THADA: variants seen among roughly 807,000 people sequenced by gnomAD.
THADA encodes the protein THADA armadillo repeat containing, also known as tRNA (32-2'-O)-methyltransferase regulator THADA.
THADA carries 213 observed loss-of-function variants against 219.8 expected under a neutral mutation model. The ratio of observed to expected loss-of-function variants is 0.97; its 90% CI spans 0.87 to 1.09. The LOEUF is 1.09. Ranked by LOEUF, THADA falls within the 50% of genes least tolerant of loss-of-function variation. The probability of loss-of-function intolerance (pLI) is 0.00; values close to 1 mark genes in which losing one functional copy is unlikely to be tolerated. For missense variants in THADA, 2,956 were observed against 2,311.3 expected (o/e 1.28, Z -5.72); for synonymous variants, 1,018 against 828.9 (o/e 1.23, Z -3.92).
intron 30 of THADA, among the ~76,000 whole-genome samples, chr2:43,332,761 AG>A (rs1217194964): frequency 1.3e-5 from 2 of 152,230 alleles, no homozygotes; most frequent in Non-Finnish European, 2.9e-5. Flanking sequence ...GTAAGCCAAC[AG>A]CTACAAGTGG....
intron 26 of THADA, among the ~76,000 whole-genome samples, chr2:43,459,119 A>G (rs1362104356): frequency 6.6e-6 from 1 of 152,140 alleles, no homozygotes; most frequent in Non-Finnish European, 1.5e-5. Flanking sequence ...ATCCTGTTAT[A>G]CCTGTGTTTA....
chr2:43,284,594 A>T (rs1438889568), intron 35 of THADA, among the ~76,000 whole-genome samples: 1 of 152,188 alleles, frequency 6.6e-6, no homozygotes, highest in Non-Finnish European at 1.5e-5. Context: ...GCCCTCATGG[A>T]GAACCTCTAT....
At chr2:43,278,062 T>G (rs746254459) in intron 36 of THADA, among the ~76,000 whole-genome samples, 47 of 151,886 alleles carry the variant, frequency 3.1e-4, no homozygotes, top group Non-Finnish European at 6.2e-4. Context: ...GAGATTCTTC[T>G]GCCTCAGCCT....
At chr2:43,444,729 G>T (rs181489125) in intron 26 of THADA, among the ~76,000 whole-genome samples, 2 of 151,664 alleles carry the variant, frequency 1.3e-5, no homozygotes, top group East Asian at 3.9e-4. Flanking sequence ...TGAAAAAAAG[G>T]TGGGGGGGGA....
chr2:43,297,381 G>T (rs1483546010), intron 31 of THADA, among the ~76,000 whole-genome samples: 9 of 87,634 alleles, frequency 1.0e-4, no homozygotes, highest in South Asian at 4.4e-4. Context: ...CTCTCTGCCC[G>T]GCAGCCACCC....
chr2:43,256,590 AAAATAAAT>A (rs1029447502), intron 36 of THADA, among the ~76,000 whole-genome samples: 1 of 149,498 alleles, frequency 6.7e-6, no homozygotes, highest in Admixed American at 6.7e-5. Context: ...TAAAAAAAGA[AAAATAAAT>A]AAATAAATAA....
At chr2:43,234,436 T>C (rs745364123) in intron 36 of THADA, among the ~76,000 whole-genome samples, 9 of 152,158 alleles carry the variant, frequency 5.9e-5, no homozygotes, top group Non-Finnish European at 8.8e-5. Flanking sequence ...CCCATGCTGC[T>C]TGCTCTGCAG....
At chr2:43,509,370 T>C (rs1296870073) in intron 22 of THADA, among the ~76,000 whole-genome samples, 2 of 152,222 alleles carry the variant, frequency 1.3e-5, no homozygotes, top group Non-Finnish European at 1.5e-5. Context: ...AAGCGCTATC[T>C]TAGAGTGCTC....
chr2:43,318,978 T>C (rs1156871055), intron 31 of THADA, among the ~76,000 whole-genome samples: 2 of 152,196 alleles, frequency 1.3e-5, no homozygotes, highest in Non-Finnish European at 2.9e-5. Flanking sequence ...CTAATGATTA[T>C]AGTCAACCAT....
At chr2:43,340,243 A>T (rs1223019063) in intron 30 of THADA, among the ~76,000 whole-genome samples, 1 of 152,232 alleles carries the variant, frequency 6.6e-6, no homozygotes, top group African/African-American at 2.4e-5. Flanking sequence ...TGGAATGAAA[A>T]GCAGCCTGTA....
chr2:43,257,546 G>C (rs1049243552), intron 36 of THADA, among the ~76,000 whole-genome samples: 4 of 152,228 alleles, frequency 2.6e-5, no homozygotes, highest in African/African-American at 9.6e-5. Flanking sequence ...GACCACCTCA[G>C]TCTATCCCAT....
intron 36 of THADA, among the ~76,000 whole-genome samples, chr2:43,260,467 G>A (rs771116565): frequency 2.0e-4 from 31 of 151,918 alleles, no homozygotes; most frequent in South Asian, 1.0e-3. Flanking sequence ...AAACTTAATT[G>A]CCTAATATAT....
intron 36 of THADA, among the ~76,000 whole-genome samples, chr2:43,268,736 T>A (rs564760130): frequency 6.6e-6 from 1 of 152,220 alleles, no homozygotes; most frequent in Admixed American, 6.5e-5. Context: ...GCAGAACTTC[T>A]CGGGCAGCAC....
chr2:43,399,147 C>G lies in THADA; in HGVS notation c.4059-1008G>C, dbSNP rs1674469967. On this transcript the variant is annotated intron_variant, in intron 28 of 37. Transcript: ENST00000405975. ...GAAAGTCCAATATGCTAAGTACCAG[C>G]TTAACTAAGTTCTTTACTAGAACGC... Among the ~76,000 whole-genome samples, 3 of 152,176 alleles carry G rather than the reference C, an allele frequency of 2.0e-5. No homozygotes were observed. The South Asian group carries it at 6.2e-4, about 31-fold the overall frequency.
At chr2:43,397,477 G>GT (rs894116396) in intron 29 of THADA, among the ~76,000 whole-genome samples, 2 of 151,918 alleles carry the variant, frequency 1.3e-5, no homozygotes, top group African/African-American at 2.4e-5. Context: ...AAAGTAATAA[G>GT]TTTTTTTTGG....
intron 28 of THADA, among the ~76,000 whole-genome samples, chr2:43,425,895 G>C (rs1678366045): frequency 6.6e-6 from 1 of 152,194 alleles, no homozygotes; most frequent in African/African-American, 2.4e-5. Context: ...CTTGTCAAGA[G>C]TGATAGATGT....
At chr2:43,292,370 G>C in intron 32 of THADA, 148 bp from the exon 33 acceptor site, 1 of 570,316 alleles carries the variant, frequency 1.8e-6, no homozygotes. Flanking sequence ...AATACCTTTG[G>C]GAGACTGAGG....
At position 43,549,323 on chromosome 2, in the gene THADA, C is replaced by A; in HGVS notation, c.2993G>T (p.Arg998Leu). 2 of 1,602,678 alleles carry A rather than the reference C, an allele frequency of 1.2e-6. No individual in the cohort carries two copies. The highest frequency in any genetic ancestry group is 1.7e-6 in the Non-Finnish European group (2 of 1,174,830). The stretch of plus-strand genomic sequence containing the variant: ...TTGGTTAAAATAATCATTAGTATCT[C>A]GAGGCTGAATCTCATTCAGAATCAT... ...LQMILNEIQP[R>L]DTNDYFNQAK... Residue 998 changes from arginine to leucine, a missense_variant, in exon 20 of 38, where the codon CGA becomes CTA. Arg to Leu is a moderately radical substitution (Grantham distance 102). Coordinates refer to ENST00000405975, the MANE Select transcript of THADA (RefSeq NM_022065.5).
chr2:43,584,241 C>A (rs1432902316), intron 7 of THADA, among the ~76,000 whole-genome samples: 1 of 151,942 alleles, frequency 6.6e-6, no homozygotes, highest in Admixed American at 6.6e-5. Context: ...ATTTGAGGTA[C>A]CTGTAAAACA....
Sources: gnomAD v4.1 joint callset for allele counts (sites outside exome capture counted in the v4.1 genomes callset) on GRCh38, gnomAD v4.1.1 for gene constraint, MANE v1.5 for transcripts, NCBI Gene and HGNC (gene_info 2026-07-23, HGNC 2026-07-21) for gene names.